The following ACMSD variants were observed in gnomAD, a reference collection of about 807,000 sequenced individuals.
The protein encoded by ACMSD is 2-amino-3-carboxymuconate-6-semialdehyde decarboxylase.
In ACMSD, 37 loss-of-function variants were observed where a neutral mutation model predicts 45.9. The ratio of observed to expected loss-of-function variants is 0.81; its 90% CI spans 0.62 to 1.06. The LOEUF (loss-of-function observed/expected upper bound fraction) is 1.06. ACMSD is among the 50% of genes least tolerant of loss of function. The pLI is 0.00. For synonymous variants in ACMSD, 138 were observed against 148.8 expected, an observed-to-expected ratio of 0.93 and a Z score of 0.53; for missense variants, 434 against 420.9, an observed-to-expected ratio of 1.03 and a Z score of -0.27.
intron 6 of ACMSD, among the ~76,000 whole-genome samples, chr2:134,869,545 T>C (rs1688315649): frequency 1.3e-5 from 2 of 152,044 alleles, no homozygotes; most frequent in Admixed American, 1.3e-4. Flanking sequence ...CAGGAGAGCA[T>C]CTGCATATAG....
chr2:134,862,092 C>T, intron 4 of ACMSD, 74 bp downstream of exon 4: 1 of 1,550,066 alleles, frequency 6.5e-7, no homozygotes, highest in Non-Finnish European at 8.9e-7. Flanking sequence ...GAACAGATGC[C>T]TCAAGTTTGG....
chr2:134,886,560 A>G (rs1282317139), intron 8 of ACMSD, among the ~76,000 whole-genome samples: 2 of 152,012 alleles, frequency 1.3e-5, no homozygotes, highest in Non-Finnish European at 2.9e-5. Flanking sequence ...ATGATTTTTA[A>G]TAAAACAAAA....
intron 2 of ACMSD, among the ~76,000 whole-genome samples, chr2:134,848,071 G>A (rs1180620221): frequency 6.6e-6 from 1 of 152,144 alleles, no homozygotes; most frequent in African/African-American, 2.4e-5. Context: ...GGCAGGTCTT[G>A]AACTCCCAAC....
Position 134,898,286 on chromosome 2 carries a change from G to A in ACMSD, c.850-55G>A, listed in dbSNP as rs1425499683. ...TGTAATAAGTAAACAATTGTTTACA[G>A]GAGGCTCTTTCATGTTTTACAAAAC... On this transcript the variant is annotated intron_variant, in intron 8 of 9. Transcript: ENST00000356140. The A allele has an allele frequency of 7.4e-6, 8 of 1,083,868 alleles. No homozygotes were observed. In the East Asian group the frequency reaches 2.1e-4, roughly 29 times the overall value. The allele number at this position is 1,083,868 out of a possible 1,614,324, so 67.1% of individuals were successfully genotyped here.
At chr2:134,855,256 T>C (rs1159775689) in intron 2 of ACMSD, among the ~76,000 whole-genome samples, 1 of 152,198 alleles carries the variant, frequency 6.6e-6, no homozygotes, top group Non-Finnish European at 1.5e-5. Context: ...TCAGAAAACT[T>C]GCAGAAACTC....
intron 2 of ACMSD, among the ~76,000 whole-genome samples, chr2:134,847,444 A>ATAGATAGATAGG (rs1491311788): frequency 8.2e-5 from 12 of 146,918 alleles, no homozygotes; most frequent in Middle Eastern, 3.4e-3. Flanking sequence ...AGATAGATAG[A>ATAGATAGATAGG]TAGATATAGA....
intron 8 of ACMSD, among the ~76,000 whole-genome samples, chr2:134,886,436 G>A (rs1169055015): frequency 1.3e-5 from 2 of 151,524 alleles, no homozygotes; most frequent in Non-Finnish European, 2.9e-5. Flanking sequence ...TTTTAGTAGA[G>A]ACGGCGTTTC....
intron 8 of ACMSD, among the ~76,000 whole-genome samples, chr2:134,897,486 T>C (rs1191236597): frequency 1.3e-5 from 2 of 152,190 alleles, no homozygotes; most frequent in African/African-American, 4.8e-5. Flanking sequence ...CTGTTCCAAA[T>C]AATGTTGCAA....
At chr2:134,889,717 G>T (rs973784215) in intron 8 of ACMSD, among the ~76,000 whole-genome samples, 1 of 152,054 alleles carries the variant, frequency 6.6e-6, no homozygotes, top group African/African-American at 2.4e-5. Context: ...TTGAGCATCT[G>T]AAGACTTTGG....
At chr2:134,898,802 G>A (rs1690335556) in intron 9 of ACMSD, among the ~76,000 whole-genome samples, 2 of 152,060 alleles carry the variant, frequency 1.3e-5, no homozygotes, top group Non-Finnish European at 2.9e-5. Flanking sequence ...TAGTTATTTA[G>A]ATGATGAAAC....
At chr2:134,874,276 T>C (rs1559057110) in intron 8 of ACMSD, among the ~76,000 whole-genome samples, 2 of 152,356 alleles carry the variant, frequency 1.3e-5, no homozygotes, top group Admixed American at 6.5e-5. Context: ...GCTTGAGCTA[T>C]AATAATTTGG....
chr2:134,870,107 G>T (rs1281770436), intron 6 of ACMSD, among the ~76,000 whole-genome samples: 2 of 152,214 alleles, frequency 1.3e-5, no homozygotes, highest in African/African-American at 4.8e-5. Flanking sequence ...GCAGCCTACA[G>T]AGTCAGGCTT....
intron 8 of ACMSD, among the ~76,000 whole-genome samples, chr2:134,876,458 A>C (rs1688735712): frequency 6.6e-6 from 1 of 152,162 alleles, no homozygotes; most frequent in Non-Finnish European, 1.5e-5. Flanking sequence ...TTTTTGTTAA[A>C]AACTAAGACT....
At chr2:134,838,851 AG>A (rs1200962390) in intron 1 of ACMSD, 112 bp downstream of exon 1, 3 of 718,746 alleles carry the variant, frequency 4.2e-6, no homozygotes, top group Non-Finnish European at 6.9e-6. Context: ...GTGGGGGGCG[AG>A]GGGGTTAAAT....
intron 8 of ACMSD, among the ~76,000 whole-genome samples, chr2:134,890,701 A>G (rs1689732136): frequency 6.6e-6 from 1 of 152,016 alleles, no homozygotes; most frequent in Admixed American, 6.6e-5. Flanking sequence ...CATATAGCTC[A>G]AAGAAGTGTG....
chr2:134,881,796 T>C (rs865909668), intron 8 of ACMSD, among the ~76,000 whole-genome samples: 17 of 152,098 alleles, frequency 1.1e-4, no homozygotes, highest in Admixed American at 2.0e-4. Flanking sequence ...AAGACCAGCC[T>C]GCCCAACATG....
intron 2 of ACMSD, among the ~76,000 whole-genome samples, chr2:134,847,825 A>C (rs1483392367): frequency 6.6e-6 from 1 of 150,826 alleles, no homozygotes; most frequent in African/African-American, 2.4e-5. Context: ...TCCATGGTAT[A>C]TATATGCCAC....
intron 8 of ACMSD, among the ~76,000 whole-genome samples, 188 bp from the exon 9 acceptor site, chr2:134,898,153 A>T (rs1356348701): frequency 6.6e-6 from 1 of 151,964 alleles, no homozygotes; most frequent in East Asian, 1.9e-4. Context: ...CTGCTGGAAA[A>T]AAAAAGTCAG....
At chr2:134,866,994 C>T (rs968516752) in intron 5 of ACMSD, among the ~76,000 whole-genome samples, 1 of 152,182 alleles carries the variant, frequency 6.6e-6, no homozygotes, top group Non-Finnish European at 1.5e-5. Flanking sequence ...GGGATTCCAC[C>T]CAGTGCTGGG....
Sources: gnomAD v4.1 joint callset for allele counts (sites outside exome capture counted in the v4.1 genomes callset) on GRCh38, gnomAD v4.1.1 for gene constraint, MANE v1.5 for transcripts, NCBI Gene and HGNC (gene_info 2026-07-23, HGNC 2026-07-21) for gene names.